KIRREL3: variants seen among roughly 807,000 people sequenced by gnomAD.
The protein encoded by KIRREL3 is kin of IRRE-like protein 3.
In KIRREL3, 36 loss-of-function variants were observed where a neutral mutation model predicts 89.7. The observed-to-expected ratio is 0.40, with a 90% CI of 0.31 to 0.53. KIRREL3 has a LOEUF of 0.53. Among genes scored for constraint, KIRREL3 ranks in the 20% least tolerant of loss-of-function variants. The probability of loss-of-function intolerance (pLI) is 0.49; values close to 1 mark genes in which losing one functional copy is unlikely to be tolerated. For missense variants in KIRREL3, 864 were observed against 1,056.6 expected (o/e 0.82, Z 2.53); for synonymous variants, 445 against 441.4 (o/e 1.01, Z -0.10).
At position 126,471,359 on chromosome 11, in the gene KIRREL3, A is replaced by G. The variant is rs1467846560; in HGVS notation, c.591+1950T>C. Among the ~76,000 whole-genome samples the G allele has an allele frequency of 6.6e-6, 1 of 150,962 alleles. No individual in the cohort carries two copies. The highest frequency in any genetic ancestry group is 2.4e-5 in the African/African-American group (1 of 41,156). ...CACTCCAGTCTGGGCAACAAGAGTG[A>G]AACTCTGTCTCAAAATAAATAAATA... On this transcript the variant is annotated intron_variant, in intron 5 of 16. Coordinates refer to ENST00000525144, the MANE Select transcript of KIRREL3 (RefSeq NM_032531.4). The surrounding 1 kb of genome is among the most constrained non-coding windows in gnomAD (Gnocchi z 5.4).
At position 126,669,020 on chromosome 11, in the gene KIRREL3, G is replaced by T. The variant is rs1181113336; in HGVS notation, c.56-106108C>A. Among the ~76,000 whole-genome samples, 1 of 152,068 alleles carries T rather than the reference G, an allele frequency of 6.6e-6. No homozygotes were observed. The highest frequency in any genetic ancestry group is 1.5e-5 in the Non-Finnish European group (1 of 68,018). ...CTCCTGAAGTTTTATTCACCTGTTAGGGCTTTCCATCCCAATTTTCATCCC... is the reference window on the plus strand; with the variant it reads ...CTCCTGAAGTTTTATTCACCTGTTATGGCTTTCCATCCCAATTTTCATCCC... On this transcript the variant is annotated intron_variant, in intron 1 of 16. Transcript: ENST00000525144. The surrounding 1 kb of genome is among the most constrained non-coding windows in gnomAD (Gnocchi z 5.0).
chr11:126,921,717 T>G (rs986416754), intron 1 of KIRREL3, among the ~76,000 whole-genome samples: 2 of 151,272 alleles, frequency 1.3e-5, no homozygotes, highest in Admixed American at 6.6e-5. Context: ...TTTCTTTCTA[T>G]CTATATCTAT....
rs1945072577 is a variant in KIRREL3 at position 126,870,487 on chromosome 11, C to T, written c.55+129968G>A. 6.6e-6 allele frequency among the ~76,000 whole-genome samples: 1 copy of T among 152,162 alleles called. No individual in the cohort carries two copies. The highest frequency in any genetic ancestry group is 1.5e-5 in the Non-Finnish European group (1 of 68,018). On this transcript the variant is annotated intron_variant, in intron 1 of 16. Coordinates refer to ENST00000525144, the MANE Select transcript of KIRREL3 (RefSeq NM_032531.4). The surrounding 1 kb of genome is among the most constrained non-coding windows in gnomAD (Gnocchi z 4.4). Reference sequence around the variant, plus strand: ...CCCTGGCCTTTAGAGACCGAAGTCTCCTGAAAGGCAGGTCCTTGCAAGAGG... The same window carrying T: ...CCCTGGCCTTTAGAGACCGAAGTCTTCTGAAAGGCAGGTCCTTGCAAGAGG...
At chr11:126,680,640 T>C (rs1320955909) in intron 1 of KIRREL3, among the ~76,000 whole-genome samples, 1 of 151,862 alleles carries the variant, frequency 6.6e-6, no homozygotes, top group Non-Finnish European at 1.5e-5. Flanking sequence ...GTAATTGCCT[T>C]AACTAGGGGA....
At chr11:126,861,718 C>T (rs968016328) in intron 1 of KIRREL3, among the ~76,000 whole-genome samples, 5 of 152,190 alleles carry the variant, frequency 3.3e-5, no homozygotes, top group East Asian at 1.9e-4. Context: ...GGTATATTCA[C>T]GTTTTATCTG....
At chr11:126,728,380 G>T (rs966883906) in intron 1 of KIRREL3, among the ~76,000 whole-genome samples, 1 of 152,156 alleles carries the variant, frequency 6.6e-6, no homozygotes, top group Non-Finnish European at 1.5e-5. Context: ...GCATGAGAGT[G>T]TGTGTCCCAC....
In KIRREL3 at chr11:126,996,404, A is replaced by G. The variant is rs1245778006; in HGVS notation, c.55+4051T>C. ...GATTCCTTCTCTGCCTGTACCCCCTATGATCCCTCCATTCTTTAGGCCACC... is the reference window on the plus strand; with the variant it reads ...GATTCCTTCTCTGCCTGTACCCCCTGTGATCCCTCCATTCTTTAGGCCACC... On this transcript the variant is annotated intron_variant, in intron 1 of 16. Transcript: ENST00000525144. This position sits in a 1 kb window ranked among gnomAD's most constrained non-coding sequence, Gnocchi z 4.7. 6.6e-6 allele frequency among the ~76,000 whole-genome samples: 1 copy of G among 151,992 alleles called. No homozygotes were observed. Among genetic ancestry groups the G allele is most frequent in the Non-Finnish European group, 1.5e-5 (1 of 67,994 alleles).
At chr11:126,930,217 T>A (rs1474775230) in intron 1 of KIRREL3, among the ~76,000 whole-genome samples, 2 of 151,936 alleles carry the variant, frequency 1.3e-5, no homozygotes, top group African/African-American at 4.8e-5. Context: ...GGTTGTTGTA[T>A]GCGTGTGTAT....
At position 126,788,831 on chromosome 11, in the gene KIRREL3, G is replaced by A. The variant is rs371484169; in HGVS notation, c.55+211624C>T. The stretch of plus-strand genomic sequence containing the variant: ...AGGAGAGAGAAATAATAGACTCTTC[G>A]GTAGATTTCAGTTCCCAAATCATGA... On this transcript the variant is annotated intron_variant, in intron 1 of 16. Coordinates refer to ENST00000525144, the MANE Select transcript of KIRREL3 (RefSeq NM_032531.4). The surrounding 1 kb of genome is among the most constrained non-coding windows in gnomAD (Gnocchi z 4.1). Among the ~76,000 whole-genome samples, 211 of 152,160 alleles carry A rather than the reference G, an allele frequency of 1.4e-3. No individual in the cohort carries two copies. Among genetic ancestry groups the A allele is most frequent in the African/African-American group, 4.6e-3 (190 of 41,516 alleles).
At position 126,455,098 on chromosome 11, in the gene KIRREL3, G is replaced by A. The variant is rs146480505; in HGVS notation, c.848+1251C>T. ...CACAGGCCGGCTTATTTCCTAGGCT[G>A]GCACCATTAACATCCTTGGCCTTTG... On this transcript the variant is annotated intron_variant, in intron 7 of 16. Transcript: ENST00000525144. The surrounding 1 kb of genome is among the most constrained non-coding windows in gnomAD (Gnocchi z 6.4). Among the ~76,000 whole-genome samples, 349 of 152,302 alleles carry A rather than the reference G, an allele frequency of 2.3e-3. 3 individuals are homozygous for A. The highest frequency in any genetic ancestry group is 7.9e-3 in the African/African-American group (329 of 41,564).
rs968147462 is a variant in KIRREL3 at position 126,655,571 on chromosome 11, C to G, written c.56-92659G>C. ...CCCAGGGAAGGCAGCTACTGTGTGT[C>G]CCCCTGGGGACTGGAACCACTTTGC... On this transcript the variant is annotated intron_variant, in intron 1 of 16. Coordinates refer to ENST00000525144, the MANE Select transcript of KIRREL3 (RefSeq NM_032531.4). This position sits in a 1 kb window ranked among gnomAD's most constrained non-coding sequence, Gnocchi z 5.0. Among the ~76,000 whole-genome samples the G allele has an allele frequency of 1.3e-5, 2 of 152,192 alleles. No individual in the cohort carries two copies. Among genetic ancestry groups the G allele is most frequent in the Non-Finnish European group, 2.9e-5 (2 of 68,040 alleles).
intron 1 of KIRREL3, among the ~76,000 whole-genome samples, chr11:126,593,921 C>G (rs1458066073): frequency 6.6e-6 from 1 of 152,196 alleles, no homozygotes; most frequent in African/African-American, 2.4e-5. Context: ...CAACTGTCCC[C>G]CTCCACCCAG....
At position 126,522,436 on chromosome 11, in the gene KIRREL3, C is replaced by G. The variant is rs898723620; in HGVS notation, c.284-972G>C. Among the ~76,000 whole-genome samples the G allele has an allele frequency of 2.0e-5, 3 of 152,212 alleles. No individual in the cohort carries two copies. Among genetic ancestry groups the G allele is most frequent in the Non-Finnish European group, 4.4e-5 (3 of 68,032 alleles). ...TGGGTCACTTTGAGTCACAGTGGACCCTGTCTAGTCATTCCTCCTGTCCCG... is the reference window on the plus strand; with the variant it reads ...TGGGTCACTTTGAGTCACAGTGGACGCTGTCTAGTCATTCCTCCTGTCCCG... On this transcript the variant is annotated intron_variant, in intron 3 of 16. Transcript: ENST00000525144. This position sits in a 1 kb window ranked among gnomAD's most constrained non-coding sequence, Gnocchi z 6.0.
At position 126,636,705 on chromosome 11, in the gene KIRREL3, C is replaced by T. The variant is rs114150729; in HGVS notation, c.56-73793G>A. Among the ~76,000 whole-genome samples the T allele has an allele frequency of 5.7e-3, 864 of 152,236 alleles. 7 individuals carry two copies. The highest frequency in any genetic ancestry group is 0.02 in the African/African-American group (822 of 41,544). On this transcript the variant is annotated intron_variant, in intron 1 of 16. Coordinates refer to ENST00000525144, the MANE Select transcript of KIRREL3 (RefSeq NM_032531.4). The surrounding 1 kb of genome is among the most constrained non-coding windows in gnomAD (Gnocchi z 4.4). ...CCTGAGACCTTTGTTTTGCTGGTTA[C>T]GGTTGTGGCCTGATGGGCTAAGCTA...
intron 1 of KIRREL3, among the ~76,000 whole-genome samples, chr11:126,842,862 C>T (rs1944011232): frequency 6.6e-6 from 1 of 152,184 alleles, no homozygotes; most frequent in Non-Finnish European, 1.5e-5. Context: ...GAGTTTGACT[C>T]AATATCATAT....
chr11:126,947,419 C>A (rs186766202), intron 1 of KIRREL3, among the ~76,000 whole-genome samples: 1 of 152,322 alleles, frequency 6.6e-6, no homozygotes, highest in East Asian at 1.9e-4. Context: ...CTACTCAGAG[C>A]AGACGTAGTG....
rs938251841 is a variant in KIRREL3, at chr11:126,432,156, G to C, written c.1589-630C>G. Among the ~76,000 whole-genome samples, 18 of 152,094 alleles carry C rather than the reference G, an allele frequency of 1.2e-4. No individual in the cohort carries two copies. The highest frequency in any genetic ancestry group is 4.3e-4 in the African/African-American group (18 of 41,420). On this transcript the variant is annotated intron_variant, in intron 13 of 16. Coordinates refer to ENST00000525144, the MANE Select transcript of KIRREL3 (RefSeq NM_032531.4). This position sits in a 1 kb window ranked among gnomAD's most constrained non-coding sequence, Gnocchi z 6.2. ...CTCCACTGCCACCTCTCTAAGGAGA[G>C]AGGCCCCTTTCCCTCCATCTCCAGG...
Position 126,544,311 on chromosome 11 carries a change from C to T in KIRREL3, c.134-17624G>A, listed in dbSNP as rs1007524200. On this transcript the variant is annotated intron_variant, in intron 2 of 16. Coordinates refer to ENST00000525144, the MANE Select transcript of KIRREL3 (RefSeq NM_032531.4). This position sits in a 1 kb window ranked among gnomAD's most constrained non-coding sequence, Gnocchi z 5.6. Reference sequence around the variant, plus strand: ...ACTGCACAATAACTGCAGGTCCTTGCTGCTTATTGGGTAATTTACTAAGGC... The same window carrying T: ...ACTGCACAATAACTGCAGGTCCTTGTTGCTTATTGGGTAATTTACTAAGGC... 1 of 152,186 alleles carries T rather than the reference C, an allele frequency of 6.6e-6. No homozygotes were observed. Among genetic ancestry groups the T allele is most frequent in the Non-Finnish European group, 1.5e-5 (1 of 68,044 alleles). The allele number at this position is 152,186 out of a possible 1,614,324, so 9.4% of individuals were successfully genotyped here. A position where few individuals can be genotyped will look rare whatever the true frequency, so the allele number is the denominator to read the frequency against.
At position 126,784,418 on chromosome 11, in the gene KIRREL3, G is replaced by GAAT. The variant is rs368297647; in HGVS notation, c.55+216034_55+216036dup. ...GTTAGCTTTTAAAAGGGCACTGCTA[G>GAAT]AATAATAATAATAATAAGTGAACAT... On this transcript the variant is annotated intron_variant, in intron 1 of 16. Transcript: ENST00000525144. 7.8e-3 allele frequency among the ~76,000 whole-genome samples: 1,185 copies of GAAT among 152,180 alleles called. 15 individuals are homozygous for GAAT. The highest frequency in any genetic ancestry group is 0.026 in the African/African-American group (1,085 of 41,520).
Sources: allele counts gnomAD v4.1 joint callset (sites outside exome capture counted in the v4.1 genomes callset), GRCh38; gene constraint gnomAD v4.1.1; non-coding constraint Gnocchi (gnomAD v3.1); transcripts MANE v1.5; gene names NCBI Gene and HGNC (gene_info 2026-07-23, HGNC 2026-07-21).